KPNA4: variants seen among roughly 807,000 people sequenced by gnomAD.
The protein encoded by KPNA4 is karyopherin subunit alpha 4.
A neutral mutation model predicts 71.3 loss-of-function variants in KPNA4; 13 were observed. The observed-to-expected ratio is 0.18, with a 90% CI of 0.12 to 0.29. The LOEUF is 0.29. Ranked by LOEUF, KPNA4 falls within the 10% of genes least tolerant of loss-of-function variation. KPNA4 has a pLI of 1.00. For synonymous variants in KPNA4, 189 were observed against 195.2 expected (o/e 0.97, Z 0.26); for missense variants, 334 against 603.2 (o/e 0.55, Z 4.67).
intron 1 of KPNA4, among the ~76,000 whole-genome samples, chr3:160,548,078 G>GT (rs1180811307): frequency 6.6e-6 from 1 of 152,110 alleles, no homozygotes; most frequent in African/African-American, 2.4e-5. Flanking sequence ...GGGTCATATG[G>GT]TAAGAGTATG....
intron 1 of KPNA4, among the ~76,000 whole-genome samples, chr3:160,539,998 CTT>C (rs376611861): frequency 7.0e-5 from 9 of 129,284 alleles, no homozygotes; most frequent in Admixed American, 3.3e-4. Flanking sequence ...TTTTTCTTTT[CTT>C]TTTTTTTTTT....
chr3:160,508,314 TTG>T, intron 14 of KPNA4, 45 bp from the exon 15 acceptor site: 1 of 1,371,940 alleles, frequency 7.3e-7, no homozygotes. Context: ...TAGGTAAACT[TTG>T]TGTGCCATGT....
Position 160,496,139 on chromosome 3 carries a change from TTAGC to T in KPNA4, c.*5961_*5964del, listed in dbSNP as rs1720757273. 1 of 152,168 alleles carries T rather than the reference TTAGC, an allele frequency of 6.6e-6. No homozygotes were observed. The highest frequency in any genetic ancestry group is 2.4e-5 in the African/African-American group (1 of 41,386). The allele number at this position is 152,168 out of a possible 1,614,324, so 9.4% of individuals were successfully genotyped here. On this transcript the variant is annotated 3_prime_UTR_variant, in exon 17 of 17. Transcript: ENST00000334256. ...CCCATCTCTACTAAAAATACAAAAATTAGCCGGGCGTGGTGGTGCACGCTTGTGG... is the reference window on the plus strand; with the variant it reads ...CCCATCTCTACTAAAAATACAAAAATCGGGCGTGGTGGTGCACGCTTGTGG...
In KPNA4 at chr3:160,548,216, G is replaced by T. The variant is rs531647688; in HGVS notation, c.70-11376C>A. ...TTGTTAGTGCTCTGGGTTTTTTTTT[G>T]TTGTTGTTGGTGGTGGTGGTAATAT... On this transcript the variant is annotated intron_variant, in intron 1 of 16. Coordinates refer to ENST00000334256, the MANE Select transcript of KPNA4 (RefSeq NM_002268.5). Among the ~76,000 whole-genome samples the T allele has an allele frequency of 1.5e-4, 22 of 151,428 alleles. No individual in the cohort carries two copies. The South Asian group carries it at 1.5e-3, about 10-fold the overall frequency.
chr3:160,515,950 T>C (rs1016137507), intron 11 of KPNA4, among the ~76,000 whole-genome samples: 4 of 151,840 alleles, frequency 2.6e-5, no homozygotes, highest in Non-Finnish European at 5.9e-5. Context: ...TTAGGTACCT[T>C]ATAAAAGACA....
At chr3:160,563,421 T>C (rs760786239) in intron 1 of KPNA4, among the ~76,000 whole-genome samples, 7 of 152,208 alleles carry the variant, frequency 4.6e-5, no homozygotes, top group Non-Finnish European at 8.8e-5. Flanking sequence ...AGGTTTCTTT[T>C]TGGGGCCGTG....
At chr3:160,541,988 G>A (rs1026017359) in intron 1 of KPNA4, among the ~76,000 whole-genome samples, 4 of 152,164 alleles carry the variant, frequency 2.6e-5, no homozygotes, top group Admixed American at 2.0e-4. Context: ...TGACAGTAAA[G>A]AGGGTAATTA....
intron 8 of KPNA4, among the ~76,000 whole-genome samples, chr3:160,526,752 T>G (rs899302951): frequency 2.6e-5 from 4 of 152,244 alleles, no homozygotes; most frequent in Admixed American, 2.0e-4. Flanking sequence ...GTTGAAATGT[T>G]ACCATAAGTG....
intron 8 of KPNA4, among the ~76,000 whole-genome samples, chr3:160,527,669 G>A (rs1721483824): frequency 6.6e-6 from 1 of 152,036 alleles, no homozygotes; most frequent in South Asian, 2.1e-4. Context: ...AAGAAAAAAT[G>A]GATCCTAGCA....
chr3:160,503,276 T>C (rs533428059), intron 16 of KPNA4, among the ~76,000 whole-genome samples: 13 of 152,212 alleles, frequency 8.5e-5, no homozygotes, highest in Admixed American at 2.0e-4. Context: ...GGGCTTAAAA[T>C]AGTAAAATAC....
rs1205957375 is a variant in KPNA4, at chr3:160,499,278, A to G, written c.*2826T>C. Reference sequence around the variant, plus strand: ...ACAAAGGAAATATATTTAAAGATAGATTTTAGACTAGGGCGTCTCACACAC... The same window carrying G: ...ACAAAGGAAATATATTTAAAGATAGGTTTTAGACTAGGGCGTCTCACACAC... On this transcript the variant is annotated 3_prime_UTR_variant, in exon 17 of 17. Coordinates refer to ENST00000334256, the MANE Select transcript of KPNA4 (RefSeq NM_002268.5). 1 of 152,188 alleles carries G rather than the reference A, an allele frequency of 6.6e-6. No homozygotes were observed. The highest frequency in any genetic ancestry group is 6.5e-5 in the Admixed American group (1 of 15,276). The allele number at this position is 152,188 out of a possible 1,614,324, so 9.4% of individuals were successfully genotyped here.
At chr3:160,536,719 A>AT in intron 2 of KPNA4, 77 bp downstream of exon 2, 1 of 725,626 alleles carries the variant, frequency 1.4e-6, no homozygotes. Flanking sequence ...AACATAATAT[A>AT]TATTTGGCAT....
chr3:160,526,222 C>T, intron 8 of KPNA4, 115 bp from the exon 9 acceptor site: 1 of 679,392 alleles, frequency 1.5e-6, no homozygotes, highest in Non-Finnish European at 2.2e-6. Flanking sequence ...ATACACTGTT[C>T]AGTTTTAGAC....
chr3:160,528,837 ATTC>A (rs1379385704), intron 7 of KPNA4, among the ~76,000 whole-genome samples: 2 of 152,238 alleles, frequency 1.3e-5, no homozygotes, highest in Non-Finnish European at 2.9e-5. Context: ...TGAACAAATG[ATTC>A]TTCTTCTTTC....
intron 16 of KPNA4, 27 bp from the exon 17 acceptor site, chr3:160,502,229 T>C (rs1302408384): frequency 1.6e-6 from 2 of 1,267,716 alleles, no homozygotes; most frequent in Non-Finnish European, 2.2e-6. Flanking sequence ...AAAAAGAATG[T>C]GATAATTAGT....
chr3:160,547,208 G>A (rs908249869), intron 1 of KPNA4, among the ~76,000 whole-genome samples: 6 of 151,976 alleles, frequency 3.9e-5, no homozygotes, highest in African/African-American at 1.5e-4. Context: ...TTTTTTTGAA[G>A]AAATAAAAAT....
At chr3:160,503,110 C>CAAACAAAACAAAACA (rs10662239) in intron 16 of KPNA4, among the ~76,000 whole-genome samples, 1 of 151,014 alleles carries the variant, frequency 6.6e-6, no homozygotes, top group Admixed American at 6.6e-5. Flanking sequence ...AACTCTGTCT[C>CAAACAAAACAAAACA]AAACAAAACA....
At chr3:160,524,291 A>G (rs1223340976) in intron 10 of KPNA4, among the ~76,000 whole-genome samples, 7 of 152,180 alleles carry the variant, frequency 4.6e-5, no homozygotes, top group Non-Finnish European at 8.8e-5. Flanking sequence ...GTTTTCTAGT[A>G]GAGGTATAAA....
At position 160,498,366 on chromosome 3, in the gene KPNA4, A is replaced by G. The variant is rs775825262; in HGVS notation, c.*3738T>C. On this transcript the variant is annotated 3_prime_UTR_variant, in exon 17 of 17. Coordinates refer to ENST00000334256, the MANE Select transcript of KPNA4 (RefSeq NM_002268.5). ...AAATAGTTGAGTCCTTGTCATAGGA[A>G]GAACTCTTAAGATGGCTCCCAAGAT... The G allele has an allele frequency of 1.3e-5, 2 of 152,188 alleles. No individual in the cohort carries two copies. Among genetic ancestry groups the G allele is most frequent in the African/African-American group, 2.4e-5 (1 of 41,464 alleles). 9.4% of individuals were successfully genotyped at this position (152,188 alleles called of 1,614,324 possible).
Sources: allele counts gnomAD v4.1 joint callset (sites outside exome capture counted in the v4.1 genomes callset), GRCh38; gene constraint gnomAD v4.1.1; transcripts MANE v1.5; gene names NCBI Gene and HGNC (gene_info 2026-07-23, HGNC 2026-07-21).